Variants in IQSEC3 observed in about 807,000 individuals in gnomAD.
IQSEC3 encodes the protein IQ motif and Sec7 domain ArfGEF 3, also known as IQ motif and SEC7 domain-containing protein 3.
Under a neutral mutation model 105.4 loss-of-function variants are expected in IQSEC3, and 50 were observed. The ratio of observed to expected loss-of-function variants is 0.47; its 90% confidence interval spans 0.38 to 0.60. IQSEC3 has a LOEUF of 0.60. Ranked by LOEUF, IQSEC3 falls within the 20% of genes least tolerant of loss-of-function variation. The pLI, the probability that IQSEC3 is intolerant of heterozygous loss-of-function variation, is 0.00. For synonymous variants in IQSEC3, 708 were observed against 746.0 expected (o/e 0.95, Z 0.83); for missense variants, 1,415 against 1,630.0 (o/e 0.87, Z 2.27).
chr12:129,072 G>C (rs1555084296), intron 3 of IQSEC3, among the ~76,000 whole-genome samples: 1 of 152,194 alleles, frequency 6.6e-6, no homozygotes, highest in African/African-American at 2.4e-5. Flanking sequence ...GAAGACTTCT[G>C]CTCATACTTC....
Position 138,503 on chromosome 12 carries a change from G to A in IQSEC3, c.1140G>A (p.Pro380=), listed in dbSNP as rs1014728176. 5.7e-6 allele frequency: 9 copies of A among 1,584,616 alleles called. No individual in the cohort carries two copies. The African/African-American group carries it at 6.7e-5, about 12-fold the overall frequency. Residue 380 remains proline, a synonymous_variant, in exon 4 of 14, where the codon CCG becomes CCA. Transcript: ENST00000538872. This position sits in a 1 kb window ranked among gnomAD's most constrained non-coding sequence, Gnocchi z 7.1. ...LMEGYGLVGL[P]LVRSPSLPPT... ...AGGGCTACGGCCTCGTGGGGCTGCC[G>A]CTGGTGCGCTCGCCCTCCCTGCCGC...
At chr12:169,750 C>A (rs2137067120) in intron 12 of IQSEC3, among the ~76,000 whole-genome samples, 1 of 152,306 alleles carries the variant, frequency 6.6e-6, no homozygotes, top group South Asian at 2.1e-4. Context: ...GGAAAGGTTT[C>A]CACCACCTCC....
chr12:89,215 CT>C (rs1864008990), intron 1 of IQSEC3, among the ~76,000 whole-genome samples: 2 of 152,194 alleles, frequency 1.3e-5, no homozygotes, highest in African/African-American at 4.8e-5. Flanking sequence ...TTCTGGCCCC[CT>C]GGACTCCTTT....
intron 2 of IQSEC3, among the ~76,000 whole-genome samples, chr12:107,283 G>A (rs1488378593): frequency 6.6e-6 from 1 of 152,194 alleles, no homozygotes; most frequent in East Asian, 1.9e-4. Flanking sequence ...ACCCTGGAGA[G>A]GTGGTCTACC....
At chr12:168,309 G>A (rs781918819) in intron 11 of IQSEC3, among the ~76,000 whole-genome samples, 4 of 152,216 alleles carry the variant, frequency 2.6e-5, no homozygotes, top group African/African-American at 7.2e-5. Flanking sequence ...CTGCAGGCTT[G>A]TAGCTTCCAC....
At chr12:170,894 C>T (rs894839370) in intron 12 of IQSEC3, among the ~76,000 whole-genome samples, 4 of 152,208 alleles carry the variant, frequency 2.6e-5, no homozygotes, top group African/African-American at 4.8e-5. Flanking sequence ...TCAGAAAGAG[C>T]GGCAGCGATC....
intron 7 of IQSEC3, among the ~76,000 whole-genome samples, chr12:157,934 C>T (rs1370321909): frequency 2.0e-5 from 3 of 152,258 alleles, no homozygotes; most frequent in African/African-American, 7.2e-5. Context: ...GTGCCTCTTG[C>T]CCTCCGTGGA....
At chr12:146,486 A>T (rs563661919) in intron 5 of IQSEC3, among the ~76,000 whole-genome samples, 9 of 151,928 alleles carry the variant, frequency 5.9e-5, no homozygotes, top group East Asian at 1.9e-4. Context: ...CTACAAAAAA[A>T]TTTTTTTTAA....
At chr12:107,178 T>A (rs1307962333) in intron 2 of IQSEC3, among the ~76,000 whole-genome samples, 1 of 152,196 alleles carries the variant, frequency 6.6e-6, no homozygotes, top group Non-Finnish European at 1.5e-5. Flanking sequence ...ATTGTCTGAA[T>A]CAGTATTTTC....
chr12:171,480 CCTCCCCAGCAAATGCTCACTGCTCACTG>C (rs1325453901), intron 13 of IQSEC3: 6 of 644,164 alleles, frequency 9.3e-6, no homozygotes, highest in Non-Finnish European at 5.4e-6. Flanking sequence ...CCCAAATCCA[CCTCCCCAGCAAATGCTCACTGCTCACTG>C]CTCCCCCAGT....
intron 2 of IQSEC3, among the ~76,000 whole-genome samples, chr12:110,851 G>A (rs146323224): frequency 1.3e-4 from 20 of 152,214 alleles, no homozygotes; most frequent in South Asian, 4.2e-4. Flanking sequence ...TCTCTGTCCC[G>A]TAGAGACTTC....
chr12:177,765 G>A lies in IQSEC3; in HGVS notation c.*2732G>A, dbSNP rs1445655040. The A allele has an allele frequency of 1.3e-5, 2 of 152,240 alleles. No individual in the cohort carries two copies. Among genetic ancestry groups the A allele is most frequent in the African/African-American group, 2.4e-5 (1 of 41,406 alleles). The allele number at this position is 152,240 out of a possible 1,614,324, so 9.4% of individuals were successfully genotyped here. A position where few individuals can be genotyped will look rare whatever the true frequency, so the allele number is the denominator to read the frequency against. On this transcript the variant is annotated 3_prime_UTR_variant, in exon 14 of 14. Coordinates refer to ENST00000538872, the MANE Select transcript of IQSEC3 (RefSeq NM_001170738.2). This position sits in a 1 kb window ranked among gnomAD's most constrained non-coding sequence, Gnocchi z 5.3. Reference sequence around the variant, plus strand: ...TCTCCATCCCTGTCCCCAGAGCCTAGACCTCAGGGACCTAGGAAAAGCCTC... The same window carrying A: ...TCTCCATCCCTGTCCCCAGAGCCTAAACCTCAGGGACCTAGGAAAAGCCTC...
intron 1 of IQSEC3, among the ~76,000 whole-genome samples, chr12:70,985 C>G (rs1309665652): frequency 2.9e-4 from 44 of 152,374 alleles, no homozygotes; most frequent in African/African-American, 1.1e-3. Flanking sequence ...CCCCCAAACA[C>G]TTTATCTCTC....
chr12:108,866 C>T (rs1313155102), intron 2 of IQSEC3, among the ~76,000 whole-genome samples: 3 of 152,232 alleles, frequency 2.0e-5, no homozygotes, highest in Non-Finnish European at 4.4e-5. Flanking sequence ...AGGCACCATC[C>T]GTCTCCCTGG....
chr12:113,923 T>C (rs1864971606), intron 2 of IQSEC3, among the ~76,000 whole-genome samples: 1 of 152,244 alleles, frequency 6.6e-6, no homozygotes, highest in Non-Finnish European at 1.5e-5. Context: ...AGGGAATCAC[T>C]GTAATGTGTG....
chr12:132,082 G>C (rs1351446202), intron 3 of IQSEC3, among the ~76,000 whole-genome samples: 1 of 152,164 alleles, frequency 6.6e-6, no homozygotes, highest in African/African-American at 2.4e-5. Context: ...AGAGAAATTG[G>C]GGCCCGAGGC....
chr12:165,616 G>T (rs1399506750), intron 10 of IQSEC3, 83 bp downstream of exon 10: 4 of 1,571,050 alleles, frequency 2.5e-6, no homozygotes, highest in Non-Finnish European at 3.5e-6. Context: ...AGAAGGGCTG[G>T]ACAGCAGAGT....
intron 1 of IQSEC3, among the ~76,000 whole-genome samples, chr12:70,319 T>C: frequency 6.6e-6 from 1 of 152,270 alleles, no homozygotes; most frequent in Non-Finnish European, 1.5e-5. Context: ...TCTGCATTAA[T>C]ACATAATCTG....
chr12:107,932 C>G (rs1357278292), intron 2 of IQSEC3, among the ~76,000 whole-genome samples: 1 of 152,206 alleles, frequency 6.6e-6, no homozygotes, highest in Non-Finnish European at 1.5e-5. Context: ...GCACCCACCT[C>G]CCATCCTCAG....
Sources: gnomAD v4.1 joint callset for allele counts (sites outside exome capture counted in the v4.1 genomes callset) on GRCh38, gnomAD v4.1.1 for gene constraint, Gnocchi (gnomAD v3.1) non-coding constraint, MANE v1.5 for transcripts, NCBI Gene and HGNC (gene_info 2026-07-23, HGNC 2026-07-21) for gene names.